The following PLA2G5 variants were observed in gnomAD, a reference collection of about 807,000 sequenced individuals.
PLA2G5 encodes the protein Ca2+-dependent phospholipase A2.
A neutral mutation model predicts 15.9 loss-of-function variants in PLA2G5; 12 were observed. The observed-to-expected ratio is 0.76, with a 90% CI of 0.48 to 1.23. PLA2G5 has a LOEUF of 1.23. Among genes scored for constraint, PLA2G5 ranks in the 50% most tolerant of loss-of-function variants. The pLI is 0.00. For synonymous variants in PLA2G5, 71 were observed against 71.4 expected, an observed-to-expected ratio of 0.99 and a Z score of 0.03; for missense variants, 169 against 177.1, an observed-to-expected ratio of 0.95 and a Z score of 0.26.
intron 1 of PLA2G5, among the ~76,000 whole-genome samples, chr1:20,083,713 A>G (rs919591261): frequency 1.3e-5 from 2 of 151,826 alleles, no homozygotes; most frequent in African/African-American, 4.9e-5. Flanking sequence ...CCCCTAAAGG[A>G]TTCATGCCTC....
At chr1:20,038,722 T>C (rs1417123294) in intron 1 of PLA2G5, among the ~76,000 whole-genome samples, 2 of 152,122 alleles carry the variant, frequency 1.3e-5, no homozygotes, top group Non-Finnish European at 2.9e-5. Flanking sequence ...GAAGTTGCAG[T>C]AGACTATGAT....
rs772897452 is a variant in PLA2G5, at chr1:20,086,239, G to A, written c.185+12G>A. 159 of 1,613,560 alleles carry A rather than the reference G, an allele frequency of 9.9e-5. 3 individuals are homozygous for A. The South Asian group carries it at 1.4e-3, about 14-fold the overall frequency. On this transcript the variant is annotated intron_variant, in intron 3 of 4. Transcript: ENST00000375108. ...GATGGCACCGATTGGTGAGCTGATC[G>A]CTATAACTGCCCTTTAGGCTCCAGG...
At chr1:20,052,980 G>A (rs906936346) in intron 1 of PLA2G5, among the ~76,000 whole-genome samples, 2 of 152,152 alleles carry the variant, frequency 1.3e-5, no homozygotes, top group Non-Finnish European at 2.9e-5. Flanking sequence ...TCTTTGGGTA[G>A]TCCCACCCTT....
chr1:20,043,294 G>A (rs11589805), intron 1 of PLA2G5, among the ~76,000 whole-genome samples: 43,343 of 152,110 alleles, frequency 0.28, 7,409 homozygotes, highest in Non-Finnish European at 0.4. Flanking sequence ...GAACTTACCC[G>A]TAGGACTTGT....
chr1:20,087,531 CGT>C (rs1491235703), intron 3 of PLA2G5, among the ~76,000 whole-genome samples: 8 of 151,764 alleles, frequency 5.3e-5, no homozygotes, highest in Admixed American at 4.6e-4. Flanking sequence ...GTAGCATATA[CGT>C]TTTTTTTTTA....
In PLA2G5 at chr1:20,084,867, TGTA is replaced by T; in HGVS notation, c.40+1_40+3del. On this transcript the variant is annotated inframe_deletion and splice_region_variant, in exon 2 of 5. Coordinates refer to ENST00000375108, the MANE Select transcript of PLA2G5 (RefSeq NM_000929.3). ...CCTCCCACTGGCTTGGTTCCTGGCT[TGTA>T]GTAAGTGCTGGCCCCGTGACCTTCG... is the stretch of plus-strand genomic sequence containing the variant. 2 of 1,607,108 alleles carry T rather than the reference TGTA, an allele frequency of 1.2e-6. No homozygotes were observed. Among genetic ancestry groups the T allele is most frequent in the Non-Finnish European group, 1.7e-6 (2 of 1,173,596 alleles).
At chr1:20,031,697 A>AT (rs71010527) in intron 1 of PLA2G5, among the ~76,000 whole-genome samples, 1 of 151,252 alleles carries the variant, frequency 6.6e-6, no homozygotes, top group Non-Finnish European at 1.5e-5. Flanking sequence ...CTGGATGTAA[A>AT]TTTGGTGCTC....
rs148829975 is a variant in PLA2G5 at position 20,043,903 on chromosome 1, C to A, written n.276+15194C>A. ...TGAGAGTTACCTGAAGCTAGGCATG[C>A]GTGATGGTCCAGGGGGCTTTCGAGG... On this transcript the variant is annotated intron_variant and non_coding_transcript_variant, in intron 1 of 6. Transcript: ENST00000460175. Among the ~76,000 whole-genome samples, 755 of 152,234 alleles carry A rather than the reference C, an allele frequency of 5.0e-3. 9 individuals are homozygous for A. Among genetic ancestry groups the A allele is most frequent in the African/African-American group, 0.017 (709 of 41,554 alleles).
chr1:20,077,828 G>T (rs569725219), intron 1 of PLA2G5, among the ~76,000 whole-genome samples: 1 of 152,294 alleles, frequency 6.6e-6, no homozygotes, highest in East Asian at 1.9e-4. Flanking sequence ...ATCTGACATT[G>T]TGCTTTCTCC....
At chr1:20,038,962 A>T (rs1174755647) in intron 1 of PLA2G5, among the ~76,000 whole-genome samples, 1 of 152,026 alleles carries the variant, frequency 6.6e-6, no homozygotes, top group East Asian at 1.9e-4. Flanking sequence ...TTGGCATCAG[A>T]TCTGACATTG....
intron 1 of PLA2G5, among the ~76,000 whole-genome samples, chr1:20,048,051 C>T (rs1476367310): frequency 1.3e-5 from 2 of 152,020 alleles, no homozygotes; most frequent in Non-Finnish European, 2.9e-5. Flanking sequence ...ATAAGATGTA[C>T]TTCTATTGGC....
At chr1:20,056,406 G>A (rs978118214) in intron 1 of PLA2G5, among the ~76,000 whole-genome samples, 3 of 152,062 alleles carry the variant, frequency 2.0e-5, no homozygotes, top group Non-Finnish European at 4.4e-5. Flanking sequence ...CTAGTTTGCT[G>A]AGAGTTTTAA....
upstream of PLA2G5, among the ~76,000 whole-genome samples, chr1:20,067,908 A>C (rs1392462300): frequency 6.6e-6 from 1 of 152,020 alleles, no homozygotes; most frequent in Admixed American, 6.6e-5. Context: ...CTCCTGAGGT[A>C]AGGAGTTCGT....
At chr1:20,076,246 G>A (rs2015670419) in intron 1 of PLA2G5, among the ~76,000 whole-genome samples, 1 of 151,892 alleles carries the variant, frequency 6.6e-6, no homozygotes, top group Admixed American at 6.6e-5. Context: ...TTTTTTTAAA[G>A]CACCGTGTAG....
chr1:20,081,689 G>C (rs1569816319), intron 1 of PLA2G5, among the ~76,000 whole-genome samples: 1 of 151,780 alleles, frequency 6.6e-6, no homozygotes, highest in East Asian at 1.9e-4. Context: ...TGAGGGAAAG[G>C]TGGCCCGGGT....
At chr1:20,057,095 TTCTC>T (rs750532729) in intron 1 of PLA2G5, among the ~76,000 whole-genome samples, 57 of 152,220 alleles carry the variant, frequency 3.7e-4, no homozygotes, top group Admixed American at 1.9e-3. Context: ...TTTTTGTGTA[TTCTC>T]TCTTTTTTCT....
chr1:20,068,326 T>C (rs1407894804), upstream of PLA2G5, among the ~76,000 whole-genome samples: 4 of 151,680 alleles, frequency 2.6e-5, no homozygotes, highest in South Asian at 2.1e-4. Context: ...TTAGAACCAA[T>C]AGGAGAAAGA....
chr1:20,081,511 G>A (rs532123890), intron 1 of PLA2G5, among the ~76,000 whole-genome samples: 4 of 152,014 alleles, frequency 2.6e-5, no homozygotes, highest in East Asian at 3.9e-4. Flanking sequence ...GGGAAGCATC[G>A]CCCAGGGCCT....
Position 20,059,731 on chromosome 1 carries a change from A to G in PLA2G5, n.337+39A>G, listed in dbSNP as rs142568009. ...CATTTTAAGATTCTGCCTATCAGAT[A>G]TATTTGCTTGGGAATTGAAATCAGA... is the stretch of plus-strand genomic sequence containing the variant. On this transcript the variant is annotated intron_variant and non_coding_transcript_variant, in intron 2 of 6. Transcript: ENST00000460175. 1.4e-4 allele frequency: 22 copies of G among 152,330 alleles called. 1 individual carries two copies. The highest frequency in any genetic ancestry group is 5.1e-4 in the African/African-American group (21 of 41,578). 9.4% of individuals were successfully genotyped at this position (152,330 alleles called of 1,614,324 possible).
Sources: gnomAD v4.1 joint callset for allele counts (sites outside exome capture counted in the v4.1 genomes callset) on GRCh38, gnomAD v4.1.1 for gene constraint, MANE v1.5 for transcripts, NCBI Gene and HGNC (gene_info 2026-07-23, HGNC 2026-07-21) for gene names.